The following KCNIP4 variants were observed in gnomAD, a reference collection of about 807,000 sequenced individuals.
KCNIP4 encodes potassium voltage-gated channel interacting protein 4.
In KCNIP4, 12 loss-of-function variants were observed where a neutral mutation model predicts 34.0. That is an observed-to-expected ratio of 0.35 (90% CI 0.23 to 0.57). The LOEUF is 0.57. Among genes scored for constraint, KCNIP4 ranks in the 20% least tolerant of loss-of-function variants. The pLI, the probability that KCNIP4 is intolerant of heterozygous loss-of-function variation, is 0.83. For synonymous variants in KCNIP4, 124 were observed against 102.2 expected (o/e 1.21, Z -1.29); for missense variants, 238 against 311.7 (o/e 0.76, Z 1.78).
intron 1 of KCNIP4, among the ~76,000 whole-genome samples, chr4:21,076,173 G>A (rs1745470943): frequency 6.6e-6 from 1 of 152,064 alleles, no homozygotes; most frequent in Admixed American, 6.6e-5. Context: ...TCCTGAATTT[G>A]AATGTTGACC....
chr4:21,349,091 C>A (rs945995814), intron 1 of KCNIP4, among the ~76,000 whole-genome samples: 2 of 152,110 alleles, frequency 1.3e-5, no homozygotes, highest in Non-Finnish European at 2.9e-5. Context: ...TAAGTTAGAA[C>A]CTTGCCTTCA....
intron 1 of KCNIP4, among the ~76,000 whole-genome samples, chr4:21,535,194 C>G (rs1279200040): frequency 6.6e-6 from 1 of 151,986 alleles, no homozygotes; most frequent in Non-Finnish European, 1.5e-5. Context: ...GACCAAGTTC[C>G]ATTCAGTAGG....
At chr4:21,243,103 T>A (rs996753555) in intron 1 of KCNIP4, among the ~76,000 whole-genome samples, 2 of 152,188 alleles carry the variant, frequency 1.3e-5, no homozygotes, top group Non-Finnish European at 2.9e-5. Flanking sequence ...ATATTATTCT[T>A]AATAAAGTTA....
rs377216159 is a variant in KCNIP4 at position 21,529,696 on chromosome 4, AT to A, written c.61+418874del. ...AAGCAGAAAGAGATGGGAAGAGACC[AT>A]GAAATCTCTCAAGAGAGAATGTCAA... On this transcript the variant is annotated intron_variant, in intron 1 of 8. Transcript: ENST00000382152. 4.3e-3 allele frequency among the ~76,000 whole-genome samples: 655 copies of A among 152,298 alleles called. 10 individuals are homozygous for A. The highest frequency in any genetic ancestry group is 0.015 in the African/African-American group (616 of 41,566).
intron 1 of KCNIP4, among the ~76,000 whole-genome samples, chr4:21,519,415 T>C (rs866034515): frequency 3.3e-5 from 5 of 149,592 alleles, no homozygotes; most frequent in Admixed American, 6.6e-5. Flanking sequence ...TATATGTATG[T>C]GTATATATAC....
chr4:20,871,647 G>A (rs982527429), intron 2 of KCNIP4, among the ~76,000 whole-genome samples: 3 of 152,060 alleles, frequency 2.0e-5, no homozygotes, highest in African/African-American at 7.2e-5. Context: ...TAACTGAGCA[G>A]CATGGCTGTA....
At chr4:21,428,595 A>G (rs1397842503) in intron 1 of KCNIP4, among the ~76,000 whole-genome samples, 2 of 152,204 alleles carry the variant, frequency 1.3e-5, no homozygotes, top group Non-Finnish European at 2.9e-5. Flanking sequence ...TGGGCAATTT[A>G]CAACGCGATG....
chr4:21,231,588 A>G (rs970388677), intron 1 of KCNIP4, among the ~76,000 whole-genome samples: 2 of 152,102 alleles, frequency 1.3e-5, no homozygotes, highest in Non-Finnish European at 2.9e-5. Flanking sequence ...TCTTTTGTAA[A>G]AAAAGAAATT....
chr4:20,728,978 T>C lies in KCNIP4; in HGVS notation c.*1104A>G, dbSNP rs6811030. 50,120 of 152,108 alleles carry C rather than the reference T, an allele frequency of 0.33. 8,708 individuals are homozygous for C. Among genetic ancestry groups the C allele is most frequent in the African/African-American group, 0.43 (17,962 of 41,430 alleles). 9.4% of individuals were successfully genotyped at this position (152,108 alleles called of 1,614,324 possible). A position where few individuals can be genotyped will look rare whatever the true frequency, so the allele number is the denominator to read the frequency against. On this transcript the variant is annotated 3_prime_UTR_variant, in exon 9 of 9. Transcript: ENST00000382152. The stretch of plus-strand genomic sequence containing the variant: ...TCATACTGTAATCTGGATTAGTTGT[T>C]GAGCACTTATTTTCTACTAAATCTT...
chr4:21,597,692 G>C (rs1208684502), intron 1 of KCNIP4, among the ~76,000 whole-genome samples: 2 of 152,134 alleles, frequency 1.3e-5, no homozygotes, highest in African/African-American at 4.8e-5. Context: ...CATTCAAAAA[G>C]AGTTGGCAGA....
intron 2 of KCNIP4, among the ~76,000 whole-genome samples, chr4:20,870,699 T>C (rs1261966786): frequency 6.6e-6 from 1 of 152,136 alleles, no homozygotes; most frequent in Non-Finnish European, 1.5e-5. Flanking sequence ...ATAAAAATCA[T>C]CTTTTGGAAT....
chr4:21,613,387 A>G (rs1399103085), intron 1 of KCNIP4: 1 of 152,208 alleles, frequency 6.6e-6, no homozygotes, highest in African/African-American at 2.4e-5. Flanking sequence ...AGCAGTTTAC[A>G]TGGAGAAAAA....
intron 1 of KCNIP4, among the ~76,000 whole-genome samples, chr4:21,450,301 G>T (rs1020625706): frequency 3.3e-5 from 5 of 152,100 alleles, no homozygotes; most frequent in African/African-American, 1.2e-4. Context: ...GTGAAGAAAT[G>T]AGCATTTGCT....
At chr4:21,206,133 G>A (rs141521583) in intron 1 of KCNIP4, among the ~76,000 whole-genome samples, 7 of 152,218 alleles carry the variant, frequency 4.6e-5, no homozygotes, top group East Asian at 1.9e-4. Context: ...TTCCTGTCGC[G>A]TCTAGATAAG....
chr4:21,332,942 A>G (rs531459901), intron 1 of KCNIP4, among the ~76,000 whole-genome samples: 1 of 151,990 alleles, frequency 6.6e-6, no homozygotes, highest in African/African-American at 2.4e-5. Context: ...TTTCAGCTTC[A>G]ATTATTTTCT....
chr4:21,462,608 G>T (rs1380298452), intron 1 of KCNIP4, among the ~76,000 whole-genome samples: 1 of 152,024 alleles, frequency 6.6e-6, no homozygotes, highest in Non-Finnish European at 1.5e-5. Flanking sequence ...CTCTACATCA[G>T]TGAGATCAAC....
At position 21,277,432 on chromosome 4, in the gene KCNIP4, T is replaced by C. The variant is rs139557043; in HGVS notation, c.62-394723A>G. ...AATTTTAAAAATATATTTGATACCC[T>C]AGGGTAACATTTTTAAAAGGGTCAC... On this transcript the variant is annotated intron_variant, in intron 1 of 8. Transcript: ENST00000382152. 8.0e-3 allele frequency among the ~76,000 whole-genome samples: 1,213 copies of C among 152,258 alleles called. 7 individuals carry two copies. Among genetic ancestry groups the C allele is most frequent in the Non-Finnish European group, 0.012 (846 of 68,006 alleles).
intron 1 of KCNIP4, among the ~76,000 whole-genome samples, chr4:21,243,062 GTTA>G (rs1467629186): frequency 4.0e-5 from 6 of 151,846 alleles, no homozygotes; most frequent in African/African-American, 1.5e-4. Flanking sequence ...TATCACTAAC[GTTA>G]TTATCATTAT....
chr4:20,749,564 T>TAA, intron 5 of KCNIP4, 98 bp downstream of exon 5: 1 of 782,810 alleles, frequency 1.3e-6, no homozygotes, highest in Non-Finnish European at 2.0e-6. Context: ...GGGCTTTCTT[T>TAA]CCCCTGAGCA....
Sources: gnomAD v4.1 joint callset for allele counts (sites outside exome capture counted in the v4.1 genomes callset) on GRCh38, gnomAD v4.1.1 for gene constraint, MANE v1.5 for transcripts, NCBI Gene and HGNC (gene_info 2026-07-23, HGNC 2026-07-21) for gene names.